Variants in ATP8A2 observed in about 807,000 individuals in gnomAD.
ATP8A2 encodes phospholipid-transporting ATPase IB.
ATP8A2 carries 100 observed loss-of-function variants against 165.6 expected under a neutral mutation model. That is an observed-to-expected ratio of 0.60 (90% CI 0.51 to 0.71). The LOEUF is 0.71. Among genes scored for constraint, ATP8A2 ranks in the 30% least tolerant of loss-of-function variants. The pLI is 0.00. For missense variants in ATP8A2, 1,227 were observed against 1,479.5 expected, an observed-to-expected ratio of 0.83 and a Z score of 2.80; for synonymous variants, 543 against 548.8, an observed-to-expected ratio of 0.99 and a Z score of 0.15.
intron 23 of ATP8A2, among the ~76,000 whole-genome samples, chr13:25,588,328 T>C (rs542725537): frequency 6.6e-6 from 1 of 152,348 alleles, no homozygotes; most frequent in East Asian, 1.9e-4. Context: ...TGGTTTTTCT[T>C]GGTCTTAATT....
rs562275064 is a variant in ATP8A2, at chr13:25,417,095, G to T, written c.76+44807G>T. Among the ~76,000 whole-genome samples, 3 of 152,214 alleles carry T rather than the reference G, an allele frequency of 2.0e-5. No individual in the cohort carries two copies. The South Asian group carries it at 6.2e-4, about 32-fold the overall frequency. On this transcript the variant is annotated intron_variant, in intron 1 of 36. Transcript: ENST00000381655. ...CATTTATCAGAACTTTAATTATGAA[G>T]TATTGAGGTATTGAGTTTCTTTCAC... is the stretch of plus-strand genomic sequence containing the variant.
chr13:25,627,062 C>T (rs1287081871), intron 24 of ATP8A2, among the ~76,000 whole-genome samples: 2 of 152,116 alleles, frequency 1.3e-5, no homozygotes, highest in Non-Finnish European at 2.9e-5. Flanking sequence ...GGTGGGAATA[C>T]AGCTGAACCA....
intron 1 of ATP8A2, among the ~76,000 whole-genome samples, chr13:25,443,640 T>C (rs974154477): frequency 5.3e-5 from 8 of 152,250 alleles, no homozygotes; most frequent in Non-Finnish European, 7.3e-5. Flanking sequence ...GAGATTGTAG[T>C]CTACATTCCC....
At chr13:25,852,835 T>C (rs9507589) in intron 30 of ATP8A2, among the ~76,000 whole-genome samples, 19,943 of 150,610 alleles carry the variant, frequency 0.13, 1,547 homozygotes, top group Non-Finnish European at 0.18. Flanking sequence ...ACCTGGGAGG[T>C]GGAGGTTGCA....
intron 25 of ATP8A2, among the ~76,000 whole-genome samples, chr13:25,724,964 A>C (rs966404607): frequency 2.0e-5 from 3 of 152,202 alleles, no homozygotes; most frequent in Non-Finnish European, 4.4e-5. Context: ...TTGAAATACT[A>C]TGTGTCAGAC....
At chr13:25,758,435 A>G (rs896368533) in intron 25 of ATP8A2, among the ~76,000 whole-genome samples, 2 of 152,248 alleles carry the variant, frequency 1.3e-5, no homozygotes, top group African/African-American at 4.8e-5. Flanking sequence ...AGAAGCACAT[A>G]GCCAACCACA....
intron 1 of ATP8A2, among the ~76,000 whole-genome samples, chr13:25,455,165 C>G (rs2035332578): frequency 6.6e-6 from 1 of 152,228 alleles, no homozygotes; most frequent in Admixed American, 6.5e-5. Flanking sequence ...ACAGCAATGT[C>G]TCCTGATACA....
At chr13:25,848,471 G>C (rs1029225913) in intron 30 of ATP8A2, among the ~76,000 whole-genome samples, 3 of 152,220 alleles carry the variant, frequency 2.0e-5, no homozygotes, top group African/African-American at 7.2e-5. Context: ...TAAGAAACAC[G>C]TGTGGCCTCA....
chr13:25,717,418 T>TAAAAAAAAAAAAAAAA (rs55732375), intron 25 of ATP8A2, among the ~76,000 whole-genome samples: 3 of 95,004 alleles, frequency 3.2e-5, no homozygotes, highest in African/African-American at 7.1e-5. Context: ...CTGAAAAAAC[T>TAAAAAAAAAAAAAAAA]AAAAAAAAAA....
chr13:25,521,855 T>C (rs1433687546), intron 2 of ATP8A2, among the ~76,000 whole-genome samples: 2 of 152,220 alleles, frequency 1.3e-5, no homozygotes, highest in Non-Finnish European at 2.9e-5. Context: ...GCCAGTACCA[T>C]GCTGATTTGG....
At chr13:25,579,181 C>T (rs1021841378) in intron 21 of ATP8A2, among the ~76,000 whole-genome samples, 1 of 152,146 alleles carries the variant, frequency 6.6e-6, no homozygotes, top group Non-Finnish European at 1.5e-5. Flanking sequence ...TTTTCCTGTC[C>T]CTCTCTTGGT....
intron 11 of ATP8A2, among the ~76,000 whole-genome samples, chr13:25,553,503 A>G (rs1316729077): frequency 6.6e-6 from 1 of 152,118 alleles, no homozygotes; most frequent in Non-Finnish European, 1.5e-5. Flanking sequence ...CTGTTCTTCA[A>G]AACTTGAAAG....
At chr13:25,644,241 G>T (rs113130939) in intron 24 of ATP8A2, among the ~76,000 whole-genome samples, 2,210 of 152,086 alleles carry the variant, frequency 0.015, 49 homozygotes, top group African/African-American at 0.049. Flanking sequence ...TTCTCTTGCA[G>T]AATTGCTCTG....
At chr13:25,852,521 C>G (rs974686724) in intron 30 of ATP8A2, among the ~76,000 whole-genome samples, 4 of 152,144 alleles carry the variant, frequency 2.6e-5, no homozygotes, top group African/African-American at 9.7e-5. Context: ...AATTTTCTGT[C>G]CACCGCAGTT....
At chr13:25,692,016 G>A (rs1268549901) in intron 24 of ATP8A2, among the ~76,000 whole-genome samples, 3 of 152,180 alleles carry the variant, frequency 2.0e-5, no homozygotes, top group African/African-American at 2.4e-5. Context: ...GAATATGAAA[G>A]TGGCAGGGAA....
chr13:25,378,927 C>T (rs545563283), intron 1 of ATP8A2, among the ~76,000 whole-genome samples: 1 of 152,306 alleles, frequency 6.6e-6, no homozygotes, highest in South Asian at 2.1e-4. Context: ...CTTACGGATC[C>T]TCACACCATC....
chr13:25,432,718 T>C (rs2034649576), intron 1 of ATP8A2, among the ~76,000 whole-genome samples: 1 of 152,148 alleles, frequency 6.6e-6, no homozygotes, highest in Admixed American at 6.5e-5. Flanking sequence ...TTTACACTTC[T>C]CAAAGGGAAG....
chr13:25,657,221 C>T (rs979561536), intron 24 of ATP8A2, among the ~76,000 whole-genome samples: 4 of 152,024 alleles, frequency 2.6e-5, no homozygotes, highest in African/African-American at 4.8e-5. Flanking sequence ...GTCAGGAAAC[C>T]AAAGTGCAAA....
chr13:26,016,013 T>G (rs1371480333), intron 36 of ATP8A2, among the ~76,000 whole-genome samples: 1 of 152,118 alleles, frequency 6.6e-6, no homozygotes, highest in Non-Finnish European at 1.5e-5. Context: ...GGTGTCTGGT[T>G]TTCCAGTAAA....
Sources: allele counts gnomAD v4.1 joint callset (sites outside exome capture counted in the v4.1 genomes callset), GRCh38; gene constraint gnomAD v4.1.1; transcripts MANE v1.5; gene names NCBI Gene and HGNC (gene_info 2026-07-23, HGNC 2026-07-21).